The following GNAT2 variants were observed in gnomAD, a reference collection of about 807,000 sequenced individuals.
GNAT2 encodes the protein G protein subunit alpha transducin 2.
Under a neutral mutation model 40.9 loss-of-function variants are expected in GNAT2, and 32 were observed. That is an observed-to-expected ratio of 0.78 (90% CI 0.59 to 1.05). The LOEUF (loss-of-function observed/expected upper bound fraction) is 1.05. Ranked by LOEUF, GNAT2 falls within the 50% of genes least tolerant of loss-of-function variation. The pLI is 0.00. For missense variants in GNAT2, 355 were observed against 431.5 expected (o/e 0.82, Z 1.57); for synonymous variants, 141 against 157.2 (o/e 0.90, Z 0.77).
Position 109,606,160 on chromosome 1 carries a change from T to G in GNAT2, c.591-61A>C, listed in dbSNP as rs924592174. ...CAACATACGACCTATATGCCTTTGA[T>G]GGTCACCCCGTGAAGTGGGAGAGGA... On this transcript the variant is annotated intron_variant, in intron 6 of 8. Transcript: ENST00000679935. The G allele has an allele frequency of 3.1e-6, 5 of 1,599,080 alleles. No individual in the cohort carries two copies. The African/African-American group carries it at 6.7e-5, about 21-fold the overall frequency.
At chr1:109,618,810 G>T (rs146337926) in intron 1 of GNAT2, among the ~76,000 whole-genome samples, 1 of 152,264 alleles carries the variant, frequency 6.6e-6, no homozygotes, top group African/African-American at 2.4e-5. Context: ...CAGTAGCCAG[G>T]GATCAATGGA....
In GNAT2 at chr1:109,612,785, T is replaced by G; in HGVS notation, c.86A>C (p.Lys29Thr). 1 of 1,611,658 alleles carries G rather than the reference T, an allele frequency of 6.2e-7. No homozygotes were observed. The highest frequency in any genetic ancestry group is 2.2e-5 in the East Asian group (1 of 44,876). ...TAGCAGCTTGACAGTCTTGGCTTCC[T>G]TATCAGCATCCTCCTGCAGCTTCTT... ...LEKKLQEDAD[K>T]EAKTVKLLLL... Residue 29 changes from lysine to threonine, a missense_variant, in exon 2 of 9, where the codon AAG becomes ACG. By Grantham distance (78) the Lys-to-Thr change is moderately conservative. Transcript: ENST00000679935.
In GNAT2 at chr1:109,604,227, C is replaced by T. The variant is rs114388354; in HGVS notation, c.721-123G>A. The T allele has an allele frequency of 6.5e-3, 4,998 of 769,556 alleles. 45 individuals carry two copies. Among genetic ancestry groups the T allele is most frequent in the Non-Finnish European group, 6.6e-3 (2,894 of 438,174 alleles). The allele number at this position is 769,556 out of a possible 1,614,324, so 47.7% of individuals were successfully genotyped here. A position where few individuals can be genotyped will look rare whatever the true frequency, so the allele number is the denominator to read the frequency against. On this transcript the variant is annotated intron_variant, in intron 7 of 8. Coordinates refer to ENST00000679935, the MANE Select transcript of GNAT2 (RefSeq NM_001377295.2). ...ATGTAAAAAGCAAGACAGAGAACAG[C>T]TTATCTCAATGTACCAGAGTAAAGC... is the stretch of plus-strand genomic sequence containing the variant.
chr1:109,609,080 G>A (rs1050540574), intron 4 of GNAT2: 22 of 460,884 alleles, frequency 4.8e-5, no homozygotes, highest in African/African-American at 3.8e-4. Flanking sequence ...AAAGTTTACC[G>A]CCACAAAACG....
At chr1:109,603,654 T>C (rs1557917691) in intron 8 of GNAT2, 110 bp from the exon 9 acceptor site, 7 of 782,908 alleles carry the variant, frequency 8.9e-6, no homozygotes, top group Non-Finnish European at 1.6e-5. Context: ...ACAACAGCAG[T>C]TGGGGGCCTA....
In GNAT2 at chr1:109,606,373, G is replaced by C. The variant is rs749110943; in HGVS notation, c.525C>G (p.Leu175=). The C allele has an allele frequency of 6.2e-7, 1 of 1,611,786 alleles. No homozygotes were observed. The highest frequency in any genetic ancestry group is 1.1e-5 in the South Asian group (1 of 91,028). The change falls in exon 6 of 9, where the codon CTC becomes CTG. Residue 175 remains leucine, a synonymous_variant. Transcript: ENST00000679935. ...PEYLPSEQDV[L]RSRVKTTGII... is the part of the protein sequence containing the mutation. The stretch of plus-strand genomic sequence containing the variant: ...TGCCCGTGGTTTTGACTCTGGATCG[G>C]AGCACATCTTGCTCACTAGGGAGGT...
rs768086755 is a variant in GNAT2 at position 109,608,671 on chromosome 1, C to G, written c.421G>C (p.Glu141Gln). The change falls in exon 5 of 9, where the codon GAG (glutamate) becomes CAG (glutamine). Residue 141 changes from glutamate to glutamine, a missense_variant. By Grantham distance (29) the Glu-to-Gln change is conservative (BLOSUM62 2). Coordinates refer to ENST00000679935, the MANE Select transcript of GNAT2 (RefSeq NM_001377295.2). Reference protein sequence around the residue: ...WKDGGVQACFERAAEYQLNDS... With the variant: ...WKDGGVQACFQRAAEYQLNDS... Reference sequence around the variant, plus strand: ...TTAAGCTGGTATTCTGCAGCTCTCTCGAAGCAGGCTTGCACCCCACCATCC... The same window carrying G: ...TTAAGCTGGTATTCTGCAGCTCTCTGGAAGCAGGCTTGCACCCCACCATCC... 29 of 1,614,092 alleles carry G rather than the reference C, an allele frequency of 1.8e-5. No individual in the cohort carries two copies. In the East Asian group the frequency reaches 6.5e-4, roughly 36 times the overall value.
chr1:109,604,003 A>C lies in GNAT2; in HGVS notation c.822T>G (p.Phe274Leu). The C allele has an allele frequency of 1.2e-6, 2 of 1,610,682 alleles. No homozygotes were observed. The highest frequency in any genetic ancestry group is 1.7e-6 in the Non-Finnish European group (2 of 1,176,902). The change falls in exon 8 of 9, where the codon TTT becomes TTG. Residue 274 changes from phenylalanine (F) to leucine (L), a missense_variant. Coordinates refer to ENST00000679935, the MANE Select transcript of GNAT2 (RefSeq NM_001377295.2). ...GATGGACTTTCTTGATTTTTTCCTC[A>C]AAGAGGTCCTTCTTGTTGAGAAAGA... The part of the protein sequence containing the change: ...IVLFLNKKDL[F>L]EEKIKKVHLS...
chr1:109,609,226 G>A, intron 4 of GNAT2: 1 of 200,310 alleles, frequency 5.0e-6, no homozygotes, highest in Non-Finnish European at 1.0e-5. Context: ...TAGAAGTAGG[G>A]ATTTCACTTA....
intron 7 of GNAT2, chr1:109,605,585 A>G (rs1350345897): frequency 3.1e-6 from 1 of 326,734 alleles, no homozygotes; most frequent in African/African-American, 2.2e-5. Context: ...ATCATATGTT[A>G]TTTTCTCTGT....
intron 5 of GNAT2, chr1:109,607,186 T>A (rs1217026118): frequency 5.3e-5 from 8 of 149,928 alleles, no homozygotes. Flanking sequence ...GCACGGTGGC[T>A]CGCGCCTATA....
In GNAT2 at chr1:109,603,411, A is replaced by C; in HGVS notation, c.1008T>G (p.Phe336Leu). The change falls in exon 9 of 9, where the codon TTT (phenylalanine) becomes TTG (leucine). Residue 336 changes from phenylalanine (F) to leucine (L), a missense_variant. By Grantham distance (22) the Phe-to-Leu change is conservative. Coordinates refer to ENST00000679935, the MANE Select transcript of GNAT2 (RefSeq NM_001377295.2). ...ATDTQNVKFVFDAVTDIIIKE... is the reference protein window; with the variant it reads ...ATDTQNVKFVLDAVTDIIIKE... ...TGATGATAATATCTGTAACTGCATC[A>C]AACACAAATTTGACATTCTGTGTAT... 2 of 1,607,554 alleles carry C rather than the reference A, an allele frequency of 1.2e-6. No homozygotes were observed. The highest frequency in any genetic ancestry group is 1.7e-5 in the Admixed American group (1 of 60,012).
chr1:109,605,811 T>A, intron 7 of GNAT2, 159 bp downstream of exon 7: 1 of 702,028 alleles, frequency 1.4e-6, no homozygotes, highest in Admixed American at 2.0e-5. Context: ...CAGAAGAAGT[T>A]GTTTTTTAGA....
At chr1:109,610,651 C>A in intron 2 of GNAT2, 144 bp from the exon 3 acceptor site, 2 of 728,584 alleles carry the variant, frequency 2.7e-6, no homozygotes, top group South Asian at 2.9e-5. Context: ...CCCTCAATTT[C>A]TGGCAGGCTT....
chr1:109,609,142 A>G, intron 4 of GNAT2: 1 of 352,746 alleles, frequency 2.8e-6, no homozygotes, highest in Non-Finnish European at 5.5e-6. Context: ...ATTGACCATG[A>G]AATAGACAAG....
intron 1 of GNAT2, chr1:109,617,810 T>C (rs1649991858): frequency 6.6e-6 from 1 of 152,240 alleles, no homozygotes; most frequent in Non-Finnish European, 1.5e-5. Flanking sequence ...CAATGCAAGA[T>C]ACTATCTTTA....
At chr1:109,614,449 C>T (rs1321982417) in intron 1 of GNAT2, 3 of 152,196 alleles carry the variant, frequency 2.0e-5, no homozygotes, top group African/African-American at 7.2e-5. Flanking sequence ...TAAGCTAATA[C>T]AGGTAGTTAT....
Position 109,619,570 on chromosome 1 carries a change from G to A in GNAT2, c.-141C>T, listed in dbSNP as rs1650070272. ...AATGAATCCTGGGACAATGATAACA[G>A]CTACCTTTCACTGGGCCCTCACTTC... On this transcript the variant is annotated 5_prime_UTR_variant, in exon 1 of 9. Transcript: ENST00000679935. 1 of 152,414 alleles carries A rather than the reference G, an allele frequency of 6.6e-6. No homozygotes were observed. The highest frequency in any genetic ancestry group is 2.4e-5 in the African/African-American group (1 of 41,468). 9.4% of individuals were successfully genotyped at this position (152,414 alleles called of 1,614,324 possible). A position where few individuals can be genotyped will look rare whatever the true frequency, so the allele number is the denominator to read the frequency against.
intron 1 of GNAT2, among the ~76,000 whole-genome samples, chr1:109,618,775 G>GT (rs1373786807): frequency 3.9e-5 from 6 of 152,224 alleles, no homozygotes; most frequent in African/African-American, 1.2e-4. Context: ...AAGAGGCCAA[G>GT]TTTTTTTTAA....
Sources: allele counts gnomAD v4.1 joint callset (sites outside exome capture counted in the v4.1 genomes callset), GRCh38; gene constraint gnomAD v4.1.1; transcripts MANE v1.5; gene names NCBI Gene and HGNC (gene_info 2026-07-23, HGNC 2026-07-21).